DAB1: variants seen among roughly 807,000 people sequenced by gnomAD.
The protein encoded by DAB1 is disabled homolog 1.
A neutral mutation model predicts 64.6 loss-of-function variants in DAB1; 15 were observed. The ratio of observed to expected loss-of-function variants is 0.23; its 90% CI spans 0.16 to 0.36. The LOEUF (loss-of-function observed/expected upper bound fraction) is 0.36. Among genes scored for constraint, DAB1 ranks in the 10% least tolerant of loss-of-function variants. DAB1 has a pLI of 1.00. For missense variants in DAB1, 596 were observed against 706.7 expected (o/e 0.84, Z 1.78); for synonymous variants, 235 against 251.9 (o/e 0.93, Z 0.64).
chr1:57,314,601 TC>T (rs1675028756), intron 1 of DAB1, among the ~76,000 whole-genome samples: 1 of 152,018 alleles, frequency 6.6e-6, no homozygotes, highest in South Asian at 2.1e-4. Flanking sequence ...ACGCTCTATC[TC>T]GTAAGGATGC....
chr1:57,405,669 G>A (rs762270402), intron 1 of DAB1, among the ~76,000 whole-genome samples: 1 of 152,142 alleles, frequency 6.6e-6, no homozygotes, highest in Non-Finnish European at 1.5e-5. Context: ...ACCATCAGAT[G>A]AACCTTAACA....
intron 2 of DAB1, among the ~76,000 whole-genome samples, chr1:57,191,688 T>C (rs1213432773): frequency 6.6e-6 from 1 of 152,136 alleles, no homozygotes; most frequent in East Asian, 1.9e-4. Context: ...AAAATTAATT[T>C]TCCATCTTGA....
chr1:58,107,265 C>T (rs1448664545), intron 5 of DAB1, among the ~76,000 whole-genome samples: 2 of 146,202 alleles, frequency 1.4e-5, no homozygotes, highest in Non-Finnish European at 3.0e-5. Context: ...TTGAGATCAG[C>T]TTGGCTAACA....
chr1:57,061,234 G>GA (rs1432334333), intron 9 of DAB1, among the ~76,000 whole-genome samples: 3 of 151,052 alleles, frequency 2.0e-5, no homozygotes, highest in Non-Finnish European at 3.0e-5. Flanking sequence ...TAGATGGGGG[G>GA]GGGGGGTGGT....
chr1:58,318,706 A>C (rs1296687708), intron 4 of DAB1, among the ~76,000 whole-genome samples: 1 of 152,218 alleles, frequency 6.6e-6, no homozygotes, highest in Non-Finnish European at 1.5e-5. Flanking sequence ...TCACTGCCTC[A>C]CATCATCTAT....
At chr1:57,036,895 A>G (rs1219314645) in intron 9 of DAB1, among the ~76,000 whole-genome samples, 1 of 152,210 alleles carries the variant, frequency 6.6e-6, no homozygotes, top group Non-Finnish European at 1.5e-5. Flanking sequence ...TAAGGCAACA[A>G]GGAAGACCAG....
rs564869126 is a variant in DAB1, at chr1:58,413,918, T to C, written n.258-70515A>G. 3.3e-5 allele frequency among the ~76,000 whole-genome samples: 5 copies of C among 152,152 alleles called. No individual in the cohort carries two copies. The South Asian group carries it at 6.2e-4, about 19-fold the overall frequency. ...CAATTTTGTCATTCTGTGAACATCA[T>C]AGAGTGTACTTAATGCAACCCTAGA... On this transcript the variant is annotated intron_variant and non_coding_transcript_variant, in intron 3 of 20. Transcript: ENST00000485760.
At chr1:57,598,524 G>A (rs1645537934) in intron 7 of DAB1, among the ~76,000 whole-genome samples, 1 of 152,196 alleles carries the variant, frequency 6.6e-6, no homozygotes, top group South Asian at 2.1e-4. Flanking sequence ...CAGCAAGGGA[G>A]AAAGCAAGCA....
intron 3 of DAB1, among the ~76,000 whole-genome samples, chr1:58,356,748 C>A (rs923517620): frequency 2.0e-5 from 3 of 152,022 alleles, no homozygotes; most frequent in African/African-American, 7.2e-5. Flanking sequence ...TGGCTGGGTG[C>A]TGTGGCTCAT....
chr1:57,829,932 T>A (rs1652515545), intron 1 of DAB1, among the ~76,000 whole-genome samples: 1 of 152,236 alleles, frequency 6.6e-6, no homozygotes. Context: ...TGATACTATG[T>A]TGATATGTTC....
In DAB1 at chr1:57,015,155, G is replaced by A; in HGVS notation, c.1172C>T (p.Pro391Leu). The change falls in exon 12 of 15, where the codon CCA becomes CTA. Residue 391 changes from proline to leucine, a missense_variant. Pro to Leu is a moderately conservative substitution (Grantham distance 98, BLOSUM62 -3). This residue lies in a region of DAB1 where 377 missense variants were observed against 400.4 expected (regional missense o/e 0.94). Transcript: ENST00000371236. ...QGPLTPLATV[P>L]GTSDSTRSSP... ...TGACCTGGTGGAGTCACTCGTGCCTGGGACGGTGGCAAGGGGGGTGAGGGG... is the reference window on the plus strand; with the variant it reads ...TGACCTGGTGGAGTCACTCGTGCCTAGGACGGTGGCAAGGGGGGTGAGGGG... 6.2e-7 allele frequency: 1 copy of A among 1,614,178 alleles called. No individual in the cohort carries two copies. The highest frequency in any genetic ancestry group is 1.1e-5 in the South Asian group (1 of 91,082).
At chr1:57,054,236 C>T (rs1428905334) in intron 9 of DAB1, among the ~76,000 whole-genome samples, 2 of 152,052 alleles carry the variant, frequency 1.3e-5, no homozygotes, top group African/African-American at 4.8e-5. Context: ...AGGTTAAAGT[C>T]TGTGTCATTA....
intron 5 of DAB1, among the ~76,000 whole-genome samples, chr1:57,899,618 A>G (rs1055257208): frequency 1.3e-5 from 2 of 151,498 alleles, no homozygotes; most frequent in African/African-American, 4.9e-5. Flanking sequence ...CTCTGCCACC[A>G]CTCACGGAGA....
chr1:57,923,048 T>C (rs1246362226), intron 5 of DAB1, among the ~76,000 whole-genome samples: 1 of 151,048 alleles, frequency 6.6e-6, no homozygotes, highest in African/African-American at 2.4e-5. Flanking sequence ...GAAGACAATT[T>C]AGAAAATGGA....
upstream of DAB1, among the ~76,000 whole-genome samples, chr1:57,427,013 G>A (rs1239819679): frequency 2.6e-5 from 4 of 151,706 alleles, no homozygotes; most frequent in East Asian, 5.8e-4. Flanking sequence ...ACAGGAGCCC[G>A]CCACCGCTCC....
intron 7 of DAB1, among the ~76,000 whole-genome samples, chr1:57,592,834 C>A (rs1645460926): frequency 6.6e-6 from 1 of 152,126 alleles, no homozygotes; most frequent in Non-Finnish European, 1.5e-5. Context: ...AGGTGGCCAC[C>A]TTCTCGCTGT....
At chr1:56,998,557 A>G (rs959302504) in intron 14 of DAB1, among the ~76,000 whole-genome samples, 6 of 152,236 alleles carry the variant, frequency 3.9e-5, no homozygotes, top group African/African-American at 1.4e-4. Flanking sequence ...ATACATCTTC[A>G]GAAATTGCTA....
chr1:58,194,403 T>C (rs1570469583), intron 4 of DAB1, among the ~76,000 whole-genome samples: 1 of 152,342 alleles, frequency 6.6e-6, no homozygotes, highest in East Asian at 1.9e-4. Context: ...GCTCAATAAA[T>C]GTTAGTTCTC....
chr1:58,455,032 C>T (rs1374721497), intron 3 of DAB1, among the ~76,000 whole-genome samples: 4 of 152,144 alleles, frequency 2.6e-5, no homozygotes, highest in Non-Finnish European at 5.9e-5. Flanking sequence ...ATGTCTTTTC[C>T]ATCTGTTTCC....
Sources: gnomAD v4.1 joint callset for allele counts (sites outside exome capture counted in the v4.1 genomes callset) on GRCh38, gnomAD v4.1.1 for gene constraint, gnomAD v4.1.1 regional missense constraint, MANE v1.5 for transcripts, NCBI Gene and HGNC (gene_info 2026-07-23, HGNC 2026-07-21) for gene names.